The following DIS3L2 variants were observed in gnomAD, a reference collection of about 807,000 sequenced individuals.
DIS3L2 encodes the protein DIS3 like 3'-5' exoribonuclease 2.
A neutral mutation model predicts 97.5 loss-of-function variants in DIS3L2; 34 were observed. That is an observed-to-expected ratio of 0.35 (90% CI 0.27 to 0.46). The LOEUF (loss-of-function observed/expected upper bound fraction) is 0.46, where lower values mean the gene tolerates loss of function less well. DIS3L2 is among the 20% of genes least tolerant of loss of function. The probability of loss-of-function intolerance (pLI) is 1.00; values close to 1 mark genes in which losing one functional copy is unlikely to be tolerated. For missense variants in DIS3L2, 1,038 were observed against 1,146.0 expected, an observed-to-expected ratio of 0.91 and a Z score of 1.36; for synonymous variants, 435 against 445.2, an observed-to-expected ratio of 0.98 and a Z score of 0.29.
intron 14 of DIS3L2, among the ~76,000 whole-genome samples, chr2:232,302,952 A>T (rs1694899192): frequency 6.6e-6 from 1 of 152,238 alleles, no homozygotes; most frequent in South Asian, 2.1e-4. Context: ...TAGGATTAAT[A>T]ATACCTCTCT....
chr2:232,329,785 T>TGCCCGGGGGGGGCCG, intron 14 of DIS3L2, 28 bp from the exon 15 acceptor site: 1 of 967,144 alleles, frequency 1.0e-6, no homozygotes, highest in Non-Finnish European at 1.5e-6. Flanking sequence ...ACCCCAGCGG[T>TGCCCGGGGGGGGCCG]CCCTCCCATC....
intron 5 of DIS3L2, among the ~76,000 whole-genome samples, chr2:232,061,082 AT>A (rs1318463588): frequency 4.6e-5 from 7 of 152,194 alleles, no homozygotes; most frequent in Non-Finnish European, 1.0e-4. Flanking sequence ...ATAAGATCAT[AT>A]TATCTGCAAA....
chr2:232,334,271 C>CT, intron 17 of DIS3L2, 98 bp from the exon 18 acceptor site: 1 of 1,438,132 alleles, frequency 7.0e-7, no homozygotes, highest in Non-Finnish European at 9.4e-7. Flanking sequence ...GGGTCCTAAT[C>CT]TGTCGGCGGG....
At chr2:232,030,761 A>G (rs1694782956) in intron 5 of DIS3L2, among the ~76,000 whole-genome samples, 1 of 152,192 alleles carries the variant, frequency 6.6e-6, no homozygotes, top group African/African-American at 2.4e-5. Flanking sequence ...GGAGACATGT[A>G]TCTAAGTCTG....
At chr2:232,310,095 T>A (rs1695084286) in intron 14 of DIS3L2, among the ~76,000 whole-genome samples, 1 of 152,248 alleles carries the variant, frequency 6.6e-6, no homozygotes, top group Non-Finnish European at 1.5e-5. Flanking sequence ...CTCCTCAGGC[T>A]AAGCAGCAGT....
At chr2:232,234,524 A>G (rs1276079149) in intron 10 of DIS3L2, among the ~76,000 whole-genome samples, 1 of 151,976 alleles carries the variant, frequency 6.6e-6, no homozygotes, top group African/African-American at 2.4e-5. Flanking sequence ...TAATTTTTGT[A>G]TTTTTTAGTA....
intron 10 of DIS3L2, among the ~76,000 whole-genome samples, chr2:232,229,893 A>T (rs978817379): frequency 3.3e-5 from 5 of 152,186 alleles, no homozygotes; most frequent in Non-Finnish European, 5.9e-5. Context: ...AAAGAAGAAG[A>T]AAATCCAGAC....
intron 13 of DIS3L2, among the ~76,000 whole-genome samples, chr2:232,296,895 C>T (rs1694737752): frequency 6.6e-6 from 1 of 152,198 alleles, no homozygotes; most frequent in Admixed American, 6.5e-5. Context: ...CCTCTGCTGA[C>T]TTGCCTTATT....
intron 9 of DIS3L2, among the ~76,000 whole-genome samples, chr2:232,200,011 AG>A (rs1235373352): frequency 6.6e-6 from 1 of 152,244 alleles, no homozygotes; most frequent in East Asian, 1.9e-4. Context: ...ATATACCCAT[AG>A]TGAGTATATT....
intron 1 of DIS3L2, among the ~76,000 whole-genome samples, chr2:232,000,423 C>T (rs1004563994): frequency 1.3e-5 from 2 of 152,094 alleles, no homozygotes; most frequent in East Asian, 3.9e-4. Flanking sequence ...CTCCTCTCCC[C>T]TCAACCCCCA....
At chr2:232,259,858 C>T (rs1205104832) in intron 12 of DIS3L2, 2 of 152,128 alleles carry the variant, frequency 1.3e-5, no homozygotes, top group Non-Finnish European at 2.9e-5. Flanking sequence ...TGCCAAACTC[C>T]TGACATCAAG....
Position 232,037,853 on chromosome 2 carries a change from C to T in DIS3L2, c.366+7773C>T, listed in dbSNP as rs1358791213. 2.0e-5 allele frequency among the ~76,000 whole-genome samples: 3 copies of T among 152,208 alleles called. No homozygotes were observed. The highest frequency in any genetic ancestry group is 4.4e-5 in the Non-Finnish European group (3 of 68,034). ...CCCCACCCTGCTTTGGCTTGCCCTC[C>T]GTGGGCTGCACCCACTGGCTAACCA... On this transcript the variant is annotated intron_variant, in intron 5 of 20. Transcript: ENST00000325385. The surrounding 1 kb of genome is among the most constrained non-coding windows in gnomAD (Gnocchi z 4.6).
intron 5 of DIS3L2, among the ~76,000 whole-genome samples, chr2:232,074,757 T>C (rs1006097185): frequency 1.3e-5 from 2 of 151,944 alleles, no homozygotes; most frequent in Non-Finnish European, 2.9e-5. Flanking sequence ...GCTAATTTTT[T>C]ATTTTTGGTA....
At chr2:232,034,201 G>A (rs1300851647) in intron 5 of DIS3L2, among the ~76,000 whole-genome samples, 4 of 151,948 alleles carry the variant, frequency 2.6e-5, no homozygotes, top group Non-Finnish European at 5.9e-5. Context: ...GTCTTGGGAG[G>A]GTGTTTGGGA....
At position 232,308,975 on chromosome 2, in the gene DIS3L2, G is replaced by A. The variant is rs537613854; in HGVS notation, c.1739+8856G>A. Among the ~76,000 whole-genome samples, 4 of 152,322 alleles carry A rather than the reference G, an allele frequency of 2.6e-5. No homozygotes were observed. In the South Asian group the frequency reaches 8.3e-4, roughly 32 times the overall value. ...CCCAAGCAGGATTAATGTACGAGAG[G>A]TGTTGGGGGAAGGCCTGTGAAGGAT... On this transcript the variant is annotated intron_variant, in intron 14 of 20. Coordinates refer to ENST00000325385, the MANE Select transcript of DIS3L2 (RefSeq NM_152383.5).
Position 232,329,847 on chromosome 2 carries a change from G to T in DIS3L2, c.1774G>T (p.Ala592Ser), listed in dbSNP as rs183714146. Residue 592 changes from alanine to serine, a missense_variant, in exon 15 of 21, where the codon GCA (alanine) becomes TCA (serine). Around this residue, in one of 3 missense-constraint regions of DIS3L2, gnomAD observed 813 missense variants for 880.1 expected, o/e 0.92. Transcript: ENST00000325385. ...VEEFMLLANM[A>S]VAHKIHRAFP... ...GGAGTTCATGCTCTTGGCCAACATGGCAGTGGCCCACAAGATCCACCGCGC... is the reference window on the plus strand; with the variant it reads ...GGAGTTCATGCTCTTGGCCAACATGTCAGTGGCCCACAAGATCCACCGCGC... 3.1e-5 allele frequency: 43 copies of T among 1,386,278 alleles called. No homozygotes were observed. In the East Asian group the frequency reaches 1.6e-3, roughly 51 times the overall value. 85.9% of individuals were successfully genotyped at this position (1,386,278 alleles called of 1,614,324 possible).
At chr2:232,161,779 A>AT (rs34447522) in intron 8 of DIS3L2, among the ~76,000 whole-genome samples, 300 of 144,712 alleles carry the variant, frequency 2.1e-3, no homozygotes, top group African/African-American at 2.5e-3. Context: ...CCCCAGTTCA[A>AT]TTTTTTTTTT....
At chr2:232,170,832 G>A (rs2106171526) in intron 9 of DIS3L2, among the ~76,000 whole-genome samples, 1 of 152,254 alleles carries the variant, frequency 6.6e-6, no homozygotes, top group South Asian at 2.1e-4. Flanking sequence ...GTTCCAAAGA[G>A]ACAGAAATTT....
intron 6 of DIS3L2, among the ~76,000 whole-genome samples, chr2:232,122,593 C>A (rs1485281604): frequency 6.6e-6 from 1 of 152,134 alleles, no homozygotes; most frequent in Non-Finnish European, 1.5e-5. Flanking sequence ...TGGCAGGTGC[C>A]TGTAATCCCA....
Sources: gnomAD v4.1 joint callset for allele counts (sites outside exome capture counted in the v4.1 genomes callset) on GRCh38, gnomAD v4.1.1 for gene constraint, gnomAD v4.1.1 regional missense constraint, Gnocchi (gnomAD v3.1) non-coding constraint, MANE v1.5 for transcripts, NCBI Gene and HGNC (gene_info 2026-07-23, HGNC 2026-07-21) for gene names.